Variants in GREB1L observed in about 807,000 individuals in gnomAD.
GREB1L encodes the protein GREB1-like protein.
Under a neutral mutation model 200.8 loss-of-function variants are expected in GREB1L, and 17 were observed. That is an observed-to-expected ratio of 0.08 (90% CI 0.06 to 0.13). The LOEUF is 0.13. Ranked by LOEUF, GREB1L falls within the 10% of genes least tolerant of loss-of-function variation. The probability of loss-of-function intolerance (pLI) is 1.00; values close to 1 mark genes in which losing one functional copy is unlikely to be tolerated. For missense variants in GREB1L, 1,657 were observed against 2,367.7 expected (o/e 0.70, Z 6.23); for synonymous variants, 789 against 893.0 (o/e 0.88, Z 2.08).
intron 15 of GREB1L, among the ~76,000 whole-genome samples, chr18:21,459,931 C>G (rs567866336): frequency 6.6e-6 from 1 of 152,074 alleles, no homozygotes; most frequent in Non-Finnish European, 1.5e-5. Flanking sequence ...CAGTACCTTC[C>G]GTTCTCACCC....
At chr18:21,495,027 T>G (rs966925897) in intron 19 of GREB1L, among the ~76,000 whole-genome samples, 4 of 152,120 alleles carry the variant, frequency 2.6e-5, no homozygotes, top group Non-Finnish European at 2.9e-5. Flanking sequence ...CCCCTCCAAA[T>G]GAGGGGCAGT....
At position 21,347,329 on chromosome 18, in the gene GREB1L, C is replaced by G. The variant is rs533279720; in HGVS notation, c.-119-18698C>G. 1.9e-4 allele frequency among the ~76,000 whole-genome samples: 29 copies of G among 152,074 alleles called. No homozygotes were observed. In the East Asian group the frequency reaches 4.6e-3, roughly 24 times the overall value. On this transcript the variant is annotated intron_variant, in intron 1 of 32. Coordinates refer to ENST00000424526, the MANE Select transcript of GREB1L (RefSeq NM_001142966.3). ...AAAAACCAACAACAACTGTAACTGT[C>G]TACCACCTTCCATTTCTCCAGATTG...
intron 32 of GREB1L, among the ~76,000 whole-genome samples, chr18:21,521,629 C>T (rs995309069): frequency 1.3e-5 from 2 of 151,980 alleles, no homozygotes; most frequent in East Asian, 1.9e-4. Context: ...TTCTGATTGT[C>T]GCACTGGAGG....
intron 7 of GREB1L, chr18:21,435,116 G>A (rs1450910319): frequency 1.3e-5 from 2 of 152,598 alleles, no homozygotes; most frequent in Non-Finnish European, 1.5e-5. Flanking sequence ...TAAATACATA[G>A]TCCATAAAAG....
chr18:21,468,308 C>T (rs879716826), intron 15 of GREB1L, among the ~76,000 whole-genome samples: 27 of 152,140 alleles, frequency 1.8e-4, no homozygotes, highest in Admixed American at 1.3e-3. Context: ...TTGTACAATC[C>T]CACTTGCATG....
intron 7 of GREB1L, among the ~76,000 whole-genome samples, chr18:21,408,822 ATAC>A (rs1409428780): frequency 3.3e-5 from 5 of 150,952 alleles, no homozygotes; most frequent in Non-Finnish European, 5.9e-5. Context: ...AAGTAATGAG[ATAC>A]TACTTCACAT....
rs151189294 is a variant in GREB1L at position 21,274,917 on chromosome 18, T to A, written c.-120+32524T>A. Among the ~76,000 whole-genome samples, 1,103 of 151,752 alleles carry A rather than the reference T, an allele frequency of 7.3e-3. 22 individuals are homozygous for A. The highest frequency in any genetic ancestry group is 0.026 in the African/African-American group (1,057 of 41,356). On this transcript the variant is annotated intron_variant, in intron 1 of 32. Transcript: ENST00000424526. ...AAATAATAATAATTAATTTAAAAAATTTTAAAATACCACACTTGTAATAAC... is the reference window on the plus strand; with the variant it reads ...AAATAATAATAATTAATTTAAAAAAATTTAAAATACCACACTTGTAATAAC...
At chr18:21,328,184 C>CA (rs1282061464) in intron 1 of GREB1L, among the ~76,000 whole-genome samples, 7 of 152,162 alleles carry the variant, frequency 4.6e-5, no homozygotes, top group Non-Finnish European at 1.0e-4. Context: ...ATTGCCCCCC[C>CA]CCGTTCCCCA....
intron 15 of GREB1L, among the ~76,000 whole-genome samples, chr18:21,461,286 T>C (rs1367842143): frequency 6.6e-6 from 1 of 151,976 alleles, no homozygotes; most frequent in African/African-American, 2.4e-5. Flanking sequence ...GCTATTGCTT[T>C]TCTTCTCTCT....
intron 1 of GREB1L, among the ~76,000 whole-genome samples, chr18:21,351,557 A>G (rs2039433048): frequency 6.6e-6 from 1 of 151,132 alleles, no homozygotes; most frequent in Non-Finnish European, 1.5e-5. Context: ...TGGGGAACAG[A>G]GTGAGACTTT....
At chr18:21,282,917 G>A (rs1462454230) in intron 1 of GREB1L, among the ~76,000 whole-genome samples, 1 of 152,154 alleles carries the variant, frequency 6.6e-6, no homozygotes, top group African/African-American at 2.4e-5. Flanking sequence ...ACTTTTAATG[G>A]CAACCTAATG....
chr18:21,375,009 T>C (rs1299722281), intron 2 of GREB1L, among the ~76,000 whole-genome samples: 1 of 151,308 alleles, frequency 6.6e-6, no homozygotes, highest in African/African-American at 2.4e-5. Context: ...CTGCCACCAA[T>C]CTTGGCTAAT....
chr18:21,379,079 A>G (rs554109505), intron 2 of GREB1L, among the ~76,000 whole-genome samples: 1 of 152,226 alleles, frequency 6.6e-6, no homozygotes, highest in Admixed American at 6.5e-5. Flanking sequence ...TGTTGTTTAT[A>G]TATGTTCTGT....
chr18:21,344,423 A>G (rs2039314812), intron 1 of GREB1L, among the ~76,000 whole-genome samples: 1 of 151,968 alleles, frequency 6.6e-6, no homozygotes, highest in Admixed American at 6.6e-5. Context: ...AACAACAACA[A>G]CAACAACAAC....
chr18:21,471,660 T>C (rs1247845296), intron 15 of GREB1L, among the ~76,000 whole-genome samples: 3 of 151,536 alleles, frequency 2.0e-5, no homozygotes, highest in East Asian at 1.9e-4. Flanking sequence ...CTCACTGTAT[T>C]GTCCAGGCTG....
chr18:21,518,767 G>T (rs2037512190), intron 31 of GREB1L, among the ~76,000 whole-genome samples: 1 of 151,998 alleles, frequency 6.6e-6, no homozygotes, highest in African/African-American at 2.4e-5. Flanking sequence ...CCCACCCCTT[G>T]GACTTCTTTC....
At chr18:21,410,184 C>T (rs1210403401) in intron 7 of GREB1L, among the ~76,000 whole-genome samples, 1 of 151,966 alleles carries the variant, frequency 6.6e-6, no homozygotes, top group Admixed American at 6.6e-5. Context: ...GGGTGAGCCT[C>T]CTAAGCTCTG....
intron 23 of GREB1L, among the ~76,000 whole-genome samples, chr18:21,502,674 C>T (rs1315838807): frequency 6.6e-6 from 1 of 152,168 alleles, no homozygotes; most frequent in African/African-American, 2.4e-5. Context: ...CTAAGCTGCA[C>T]TAGATCGTCG....
rs2036977702 is a variant in GREB1L, at chr18:21,505,548, G to A, written c.4209G>A (p.Lys1403=). Residue 1403 remains lysine (K), a synonymous_variant, in exon 24 of 33, where the codon AAG becomes AAA. Coordinates refer to ENST00000424526, the MANE Select transcript of GREB1L (RefSeq NM_001142966.3). The part of the protein sequence containing the change: ...YSLMSLVYTE[K]LAGVKQEVIK... ...TGATGAGCCTGGTGTATACTGAGAA[G>A]CTGGCAGGGGTCAAACAAGGTCAGT... 1.3e-6 allele frequency: 2 copies of A among 1,551,690 alleles called. No individual in the cohort carries two copies. The highest frequency in any genetic ancestry group is 1.7e-6 in the Non-Finnish European group (2 of 1,147,030).
Sources: allele counts gnomAD v4.1 joint callset (sites outside exome capture counted in the v4.1 genomes callset), GRCh38; gene constraint gnomAD v4.1.1; transcripts MANE v1.5; gene names NCBI Gene and HGNC (gene_info 2026-07-23, HGNC 2026-07-21).